MAPKAP1: variants seen among roughly 807,000 people sequenced by gnomAD.
MAPKAP1 encodes target of rapamycin complex 2 subunit MAPKAP1.
A neutral mutation model predicts 65.7 loss-of-function variants in MAPKAP1; 20 were observed. That is an observed-to-expected ratio of 0.30 (90% CI 0.21 to 0.44). The LOEUF (loss-of-function observed/expected upper bound fraction) is 0.44, where lower values mean the gene tolerates loss of function less well. Ranked by LOEUF, MAPKAP1 falls within the 20% of genes least tolerant of loss-of-function variation. The pLI, the probability that MAPKAP1 is intolerant of heterozygous loss-of-function variation, is 1.00. For missense variants in MAPKAP1, 423 were observed against 648.0 expected (o/e 0.65, Z 3.77); for synonymous variants, 222 against 244.3 (o/e 0.91, Z 0.85).
chr9:125,464,910 A>G (rs1853622745), intron 10 of MAPKAP1, among the ~76,000 whole-genome samples: 1 of 152,204 alleles, frequency 6.6e-6, no homozygotes, highest in Non-Finnish European at 1.5e-5. Context: ...CTCAATAAAC[A>G]CTGCAAACTG....
At chr9:125,601,326 T>C (rs1832293308) in intron 4 of MAPKAP1, among the ~76,000 whole-genome samples, 2 of 152,212 alleles carry the variant, frequency 1.3e-5, no homozygotes, top group South Asian at 2.1e-4. Context: ...GCATATGTCA[T>C]ATTCATTTCT....
chr9:125,563,871 C>A (rs952844443), intron 5 of MAPKAP1, among the ~76,000 whole-genome samples: 20 of 152,194 alleles, frequency 1.3e-4, no homozygotes, highest in African/African-American at 4.6e-4. Context: ...TGCCACCACA[C>A]CTGGCTAATT....
At chr9:125,689,965 G>A (rs145023501) in intron 1 of MAPKAP1, among the ~76,000 whole-genome samples, 43 of 152,064 alleles carry the variant, frequency 2.8e-4, no homozygotes, top group African/African-American at 8.4e-4. Flanking sequence ...GTAGGCGCCC[G>A]TAATCCCAAC....
chr9:125,505,884 A>C (rs1829124789), intron 8 of MAPKAP1: 1 of 195,830 alleles, frequency 5.1e-6, no homozygotes, highest in Non-Finnish European at 1.1e-5. Context: ...GAAGTTCTCA[A>C]CATAGCATAA....
chr9:125,678,943 C>G (rs1834736974), intron 1 of MAPKAP1, among the ~76,000 whole-genome samples: 1 of 152,090 alleles, frequency 6.6e-6, no homozygotes, highest in African/African-American at 2.4e-5. Flanking sequence ...ATCTTACTCC[C>G]TACACCACAG....
intron 7 of MAPKAP1, among the ~76,000 whole-genome samples, chr9:125,538,318 C>T (rs1262228923): frequency 6.6e-6 from 1 of 152,068 alleles, no homozygotes; most frequent in African/African-American, 2.4e-5. Flanking sequence ...TTGGACCCAT[C>T]CAACAGAGAC....
At chr9:125,622,632 G>C (rs928466604) in intron 4 of MAPKAP1, among the ~76,000 whole-genome samples, 2 of 152,022 alleles carry the variant, frequency 1.3e-5, no homozygotes, top group Non-Finnish European at 2.9e-5. Flanking sequence ...TTTTAGTAGA[G>C]AAAGGGTTTC....
intron 7 of MAPKAP1, among the ~76,000 whole-genome samples, chr9:125,541,803 C>G (rs1401899910): frequency 6.6e-6 from 1 of 152,232 alleles, no homozygotes; most frequent in Non-Finnish European, 1.5e-5. Flanking sequence ...GAGATGAAAT[C>G]AAGATTTATA....
intron 9 of MAPKAP1, among the ~76,000 whole-genome samples, chr9:125,477,225 A>G (rs924947076): frequency 6.6e-6 from 1 of 152,216 alleles, no homozygotes; most frequent in African/African-American, 2.4e-5. Flanking sequence ...GATGGAATTC[A>G]TGGTATCTTA....
intron 1 of MAPKAP1, among the ~76,000 whole-genome samples, chr9:125,701,935 A>C (rs1030572627): frequency 1.3e-5 from 2 of 152,224 alleles, no homozygotes; most frequent in Non-Finnish European, 2.9e-5. Flanking sequence ...TGAGATTTCT[A>C]ATCAATAATC....
chr9:125,522,770 C>G (rs1311023572), intron 7 of MAPKAP1, among the ~76,000 whole-genome samples: 1 of 152,168 alleles, frequency 6.6e-6, no homozygotes, highest in Non-Finnish European at 1.5e-5. Context: ...GATGCAAATT[C>G]CTTACCCCAC....
chr9:125,474,953 T>A (rs1242597296), intron 9 of MAPKAP1, among the ~76,000 whole-genome samples: 1 of 152,152 alleles, frequency 6.6e-6, no homozygotes, highest in Non-Finnish European at 1.5e-5. Context: ...GAACAACTCT[T>A]CGCCAGAGTG....
chr9:125,653,313 A>G (rs1046989095), intron 4 of MAPKAP1, among the ~76,000 whole-genome samples: 4 of 152,242 alleles, frequency 2.6e-5, no homozygotes, highest in Non-Finnish European at 5.9e-5. Context: ...CGAAGACCCA[A>G]GAAACTGTCG....
At chr9:125,492,975 C>T (rs191816705) in intron 8 of MAPKAP1, among the ~76,000 whole-genome samples, 2 of 152,132 alleles carry the variant, frequency 1.3e-5, no homozygotes, top group African/African-American at 4.8e-5. Context: ...GACAGGCAAT[C>T]CATGGAGGAA....
intron 1 of MAPKAP1, among the ~76,000 whole-genome samples, chr9:125,696,843 A>G (rs1339727413): frequency 6.6e-6 from 1 of 152,178 alleles, no homozygotes; most frequent in Non-Finnish European, 1.5e-5. Flanking sequence ...GTGCAAATAA[A>G]CTCTAAAATC....
intron 5 of MAPKAP1, among the ~76,000 whole-genome samples, chr9:125,576,158 T>C (rs1364230262): frequency 1.3e-5 from 2 of 152,160 alleles, no homozygotes; most frequent in Admixed American, 1.3e-4. Context: ...AAAAGGCCAG[T>C]GGTTGCCAGC....
chr9:125,439,739 C>T lies in MAPKAP1; in HGVS notation c.1444-727G>A, dbSNP rs1192624665. Among the ~76,000 whole-genome samples the T allele has an allele frequency of 6.6e-6, 1 of 151,814 alleles. No homozygotes were observed. Among genetic ancestry groups the T allele is most frequent in the Admixed American group, 6.6e-5 (1 of 15,064 alleles). ...CCCGGAGTCGCATGTGCATCTTCCA[C>T]TCTGTGTAGCAGCTGCACCGCCAGG... On this transcript the variant is annotated intron_variant, in intron 11 of 11. Coordinates refer to ENST00000265960, the MANE Select transcript of MAPKAP1 (RefSeq NM_001006617.3). The surrounding 1 kb of genome is among the most constrained non-coding windows in gnomAD (Gnocchi z 4.0).
intron 5 of MAPKAP1, among the ~76,000 whole-genome samples, chr9:125,564,107 C>A (rs1363110675): frequency 6.6e-6 from 1 of 152,190 alleles, no homozygotes; most frequent in African/African-American, 2.4e-5. Flanking sequence ...TATCTGTTAA[C>A]CAAATAGGGC....
At position 125,660,021 on chromosome 9, in the gene MAPKAP1, C is replaced by G. The variant is rs78366893; in HGVS notation, c.350-2222G>C. 4.8e-3 allele frequency among the ~76,000 whole-genome samples: 738 copies of G among 152,186 alleles called. 4 individuals carry two copies. The highest frequency in any genetic ancestry group is 0.017 in the African/African-American group (695 of 41,524). ...CCCTCCTGTTTTAACATTTTTTTCA[C>G]TTGGTCCCCAGGACTCCACTCTATC... On this transcript the variant is annotated intron_variant, in intron 3 of 11. Transcript: ENST00000265960.
Sources: gnomAD v4.1 joint callset for allele counts (sites outside exome capture counted in the v4.1 genomes callset) on GRCh38, gnomAD v4.1.1 for gene constraint, Gnocchi (gnomAD v3.1) non-coding constraint, MANE v1.5 for transcripts, NCBI Gene and HGNC (gene_info 2026-07-23, HGNC 2026-07-21) for gene names.